XIRP2: variants seen among roughly 807,000 people sequenced by gnomAD.
XIRP2 encodes xin actin-binding repeat-containing protein 2.
XIRP2 carries 236 observed loss-of-function variants against 277.0 expected under a neutral mutation model. The ratio of observed to expected loss-of-function variants is 0.85; its 90% CI spans 0.77 to 0.95. XIRP2 has a LOEUF of 0.95. Among genes scored for constraint, XIRP2 ranks in the 40% least tolerant of loss-of-function variants. XIRP2 has a pLI of 0.00. For synonymous variants in XIRP2, 1,490 were observed against 1,416.5 expected, an observed-to-expected ratio of 1.05 and a Z score of -1.17; for missense variants, 4,640 against 4,157.5, an observed-to-expected ratio of 1.12 and a Z score of -3.19.
At chr2:167,102,803 A>G (rs1337798214) in intron 2 of XIRP2, among the ~76,000 whole-genome samples, 1 of 152,134 alleles carries the variant, frequency 6.6e-6, no homozygotes, top group Non-Finnish European at 1.5e-5. Context: ...CTGTCTCCCT[A>G]CATGGTATAG....
chr2:166,968,878 C>T (rs1015768122), intron 2 of XIRP2, among the ~76,000 whole-genome samples: 1 of 151,800 alleles, frequency 6.6e-6, no homozygotes, highest in African/African-American at 2.4e-5. Context: ...AATGATAGGA[C>T]AATAATATCT....
At chr2:166,959,039 C>T (rs560601680) in intron 2 of XIRP2, among the ~76,000 whole-genome samples, 1 of 149,942 alleles carries the variant, frequency 6.7e-6, no homozygotes, top group South Asian at 2.1e-4. Flanking sequence ...TTTCTCTCAA[C>T]GGCTTAAAGT....
Position 167,257,871 on chromosome 2 carries a change from C to T in XIRP2, c.*54C>T. ...CTTTTTGGCAGTTTGGGAAATTATG[C>T]ATCACTTCATGGACAAATATACTGT... On this transcript the variant is annotated 3_prime_UTR_variant, in exon 11 of 11. Coordinates refer to ENST00000409195, the MANE Select transcript of XIRP2 (RefSeq NM_152381.6). The T allele has an allele frequency of 1.3e-6, 2 of 1,588,484 alleles. No individual in the cohort carries two copies. Among genetic ancestry groups the T allele is most frequent in the Non-Finnish European group, 8.5e-7 (1 of 1,170,336 alleles).
chr2:167,089,654 T>C (rs765884159), intron 2 of XIRP2, among the ~76,000 whole-genome samples: 4 of 152,122 alleles, frequency 2.6e-5, no homozygotes, highest in Non-Finnish European at 5.9e-5. Flanking sequence ...AATGTGCATG[T>C]GTGTTACTTA....
At chr2:167,185,708 A>G (rs1012245098) in intron 3 of XIRP2, among the ~76,000 whole-genome samples, 1 of 152,178 alleles carries the variant, frequency 6.6e-6, no homozygotes, top group Admixed American at 6.6e-5. Context: ...AAATTGAACT[A>G]TTGTGATTTC....
intron 3 of XIRP2, among the ~76,000 whole-genome samples, chr2:167,205,315 T>C (rs1247779197): frequency 6.6e-6 from 1 of 152,166 alleles, no homozygotes; most frequent in African/African-American, 2.4e-5. Flanking sequence ...AGAATGAATA[T>C]AAATAAACCT....
chr2:166,892,884 G>GTATATATGTGTATATATGTA, intron 1 of XIRP2, among the ~76,000 whole-genome samples: 1 of 147,034 alleles, frequency 6.8e-6, no homozygotes, highest in Non-Finnish European at 1.5e-5. Flanking sequence ...GTGTATATAT[G>GTATATATGTGTATATATGTA]TATATATGTG....
At chr2:167,011,611 CT>C in intron 2 of XIRP2, among the ~76,000 whole-genome samples, 1 of 151,918 alleles carries the variant, frequency 6.6e-6, no homozygotes, top group South Asian at 2.1e-4. Context: ...AGGATTCCCT[CT>C]TTTTCTATTG....
chr2:167,058,276 G>A (rs543668946), intron 2 of XIRP2, among the ~76,000 whole-genome samples: 3 of 151,842 alleles, frequency 2.0e-5, no homozygotes, highest in South Asian at 2.1e-4. Context: ...TTTTTTAGAC[G>A]GGGTTTCGCC....
At chr2:167,007,977 T>C (rs1000797043) in intron 2 of XIRP2, among the ~76,000 whole-genome samples, 3 of 151,558 alleles carry the variant, frequency 2.0e-5, no homozygotes, top group African/African-American at 7.3e-5. Context: ...TATTTTCTCA[T>C]TGTAAGTATT....
intron 2 of XIRP2, among the ~76,000 whole-genome samples, chr2:167,059,715 G>T (rs894907469): frequency 5.3e-5 from 8 of 152,126 alleles, no homozygotes; most frequent in African/African-American, 1.7e-4. Flanking sequence ...CTCTTACTGT[G>T]TCTCAGATTG....
intron 2 of XIRP2, among the ~76,000 whole-genome samples, chr2:167,063,931 T>C: frequency 6.6e-6 from 1 of 151,786 alleles, no homozygotes; most frequent in East Asian, 2.0e-4. Flanking sequence ...TCTAAATATC[T>C]ATATTAGTAT....
At chr2:167,150,570 G>T (rs1289528963) in intron 3 of XIRP2, among the ~76,000 whole-genome samples, 2 of 151,952 alleles carry the variant, frequency 1.3e-5, no homozygotes, top group African/African-American at 4.8e-5. Context: ...AAGTAAGATT[G>T]AGAAGAATGA....
At chr2:166,977,690 A>G (rs1226200418) in intron 2 of XIRP2, among the ~76,000 whole-genome samples, 1 of 152,208 alleles carries the variant, frequency 6.6e-6, no homozygotes, top group Non-Finnish European at 1.5e-5. Flanking sequence ...ATTAGAGTTC[A>G]GGCAACAAAG....
intron 2 of XIRP2, among the ~76,000 whole-genome samples, chr2:167,085,925 A>T (rs1373616397): frequency 6.6e-5 from 10 of 151,982 alleles, no homozygotes; most frequent in South Asian, 4.2e-4. Context: ...TTTAATTGGA[A>T]CATTTAGCCC....
intron 2 of XIRP2, among the ~76,000 whole-genome samples, chr2:166,950,954 C>T (rs371671570): frequency 5.3e-5 from 8 of 151,884 alleles, no homozygotes; most frequent in East Asian, 1.9e-4. Context: ...CTTCCTATAA[C>T]GAGGGATGCT....
intron 3 of XIRP2, among the ~76,000 whole-genome samples, chr2:167,165,866 C>T (rs1336492639): frequency 1.3e-5 from 2 of 152,142 alleles, no homozygotes; most frequent in Non-Finnish European, 2.9e-5. Flanking sequence ...TATTTGTTCT[C>T]TCATGGATTA....
At chr2:166,939,693 AAAAAAC>A (rs1203988923) in intron 2 of XIRP2, among the ~76,000 whole-genome samples, 4 of 133,450 alleles carry the variant, frequency 3.0e-5, no homozygotes, top group Non-Finnish European at 4.9e-5. Flanking sequence ...AAAAAAAAAA[AAAAAAC>A]AAAAAACAAA....
In XIRP2 at chr2:166,889,023, TGACCCTCAGG is replaced by T. The variant is rs547305265; in HGVS notation, c.-19+472_-19+481del. Among the ~76,000 whole-genome samples, 570 of 152,236 alleles carry T rather than the reference TGACCCTCAGG, an allele frequency of 3.7e-3. 4 individuals are homozygous for T. The highest frequency in any genetic ancestry group is 0.013 in the African/African-American group (539 of 41,536). On this transcript the variant is annotated intron_variant, in intron 1 of 10. Coordinates refer to ENST00000409195, the MANE Select transcript of XIRP2 (RefSeq NM_152381.6). ...AGAGGACTCGCCAGGGACAAAGCCA[TGACCCTCAGG>T]GACCCAAGGGCATGAGCCTGCAGCT...
Sources: gnomAD v4.1 joint callset for allele counts (sites outside exome capture counted in the v4.1 genomes callset) on GRCh38, gnomAD v4.1.1 for gene constraint, MANE v1.5 for transcripts, NCBI Gene and HGNC (gene_info 2026-07-23, HGNC 2026-07-21) for gene names.